The following GPC6 variants were observed in gnomAD, a reference collection of about 807,000 sequenced individuals.
The protein encoded by GPC6 is glypican-6.
GPC6 carries 14 observed loss-of-function variants against 55.2 expected under a neutral mutation model. The observed-to-expected ratio is 0.25, with a 90% CI of 0.17 to 0.40. The LOEUF is 0.40. Among genes scored for constraint, GPC6 ranks in the 10% least tolerant of loss-of-function variants. The pLI, the probability that GPC6 is intolerant of heterozygous loss-of-function variation, is 1.00. For missense variants in GPC6, 641 were observed against 708.5 expected (o/e 0.90, Z 1.08); for synonymous variants, 278 against 259.6 (o/e 1.07, Z -0.68).
chr13:94,013,656 T>A (rs951361010), intron 3 of GPC6, among the ~76,000 whole-genome samples: 5 of 152,170 alleles, frequency 3.3e-5, no homozygotes, highest in African/African-American at 1.2e-4. Flanking sequence ...AGCCTTATGT[T>A]TTAAGGAATG....
At chr13:93,549,213 C>G (rs533469424) in intron 2 of GPC6, among the ~76,000 whole-genome samples, 1 of 152,190 alleles carries the variant, frequency 6.6e-6, no homozygotes, top group Non-Finnish European at 1.5e-5. Context: ...TTCTCACCTT[C>G]CTCTCCTCTG....
At chr13:93,805,081 T>G (rs1028163526) in intron 2 of GPC6, among the ~76,000 whole-genome samples, 1 of 152,180 alleles carries the variant, frequency 6.6e-6, no homozygotes, top group African/African-American at 2.4e-5. Context: ...GCCACATAGA[T>G]TAATAGAGAA....
chr13:93,922,262 A>ACT (rs1318925126), intron 3 of GPC6, among the ~76,000 whole-genome samples: 1 of 152,040 alleles, frequency 6.6e-6, no homozygotes, highest in Admixed American at 6.6e-5. Context: ...AAAGCCTGGA[A>ACT]CTCTCTCTAG....
At chr13:94,099,581 AG>A (rs1444511586) in intron 4 of GPC6, among the ~76,000 whole-genome samples, 2 of 152,146 alleles carry the variant, frequency 1.3e-5, no homozygotes, top group African/African-American at 4.8e-5. Context: ...ATTTGAAACT[AG>A]TTTTTTATTA....
chr13:93,718,518 T>C (rs1199002130), intron 2 of GPC6, among the ~76,000 whole-genome samples: 1 of 152,122 alleles, frequency 6.6e-6, no homozygotes, highest in East Asian at 1.9e-4. Flanking sequence ...CTTTGTCAGA[T>C]GGAGAGATTG....
intron 1 of GPC6, among the ~76,000 whole-genome samples, chr13:93,512,444 T>C (rs935745293): frequency 6.6e-6 from 1 of 152,160 alleles, no homozygotes; most frequent in Non-Finnish European, 1.5e-5. Context: ...TTTCATTCTA[T>C]TGACATGATG....
intron 2 of GPC6, among the ~76,000 whole-genome samples, chr13:93,649,376 A>G (rs1659168390): frequency 6.6e-6 from 1 of 152,144 alleles, no homozygotes; most frequent in African/African-American, 2.4e-5. Context: ...CGCTTGAGCC[A>G]AGGACATAGA....
chr13:93,316,611 T>A (rs1879258389), intron 1 of GPC6, among the ~76,000 whole-genome samples: 6 of 152,084 alleles, frequency 3.9e-5, no homozygotes, highest in Admixed American at 3.9e-4. Context: ...ACCGAATAAT[T>A]TCTTTAGCAA....
At chr13:93,785,035 T>G (rs1885779183) in intron 2 of GPC6, among the ~76,000 whole-genome samples, 2 of 152,196 alleles carry the variant, frequency 1.3e-5, no homozygotes, top group African/African-American at 4.8e-5. Context: ...GTAATCTCAT[T>G]CCCCAAGGAA....
chr13:94,194,427 A>G (rs1158634218), intron 4 of GPC6, among the ~76,000 whole-genome samples: 1 of 152,132 alleles, frequency 6.6e-6, no homozygotes, highest in Non-Finnish European at 1.5e-5. Flanking sequence ...ATGTGTCTGT[A>G]TGTGTGTGTT....
chr13:94,335,938 G>A (rs151071183), intron 6 of GPC6, among the ~76,000 whole-genome samples: 19 of 149,264 alleles, frequency 1.3e-4, no homozygotes, highest in African/African-American at 4.0e-4. Context: ...TTGGTCATCT[G>A]CAGCATAAAG....
chr13:94,149,564 C>T (rs116122042), intron 4 of GPC6, among the ~76,000 whole-genome samples: 254 of 152,226 alleles, frequency 1.7e-3, no homozygotes, highest in African/African-American at 5.8e-3. Context: ...TCTGGTGAAA[C>T]AGAGCCCACA....
intron 2 of GPC6, among the ~76,000 whole-genome samples, chr13:93,602,440 C>G (rs1878055414): frequency 6.6e-6 from 1 of 152,120 alleles, no homozygotes; most frequent in African/African-American, 2.4e-5. Context: ...ATTAGTTTGG[C>G]ATTAACCTTG....
intron 4 of GPC6, among the ~76,000 whole-genome samples, chr13:94,182,561 A>G (rs1257961471): frequency 6.6e-6 from 1 of 152,172 alleles, no homozygotes; most frequent in African/African-American, 2.4e-5. Context: ...CTTTCTCACA[A>G]TTGGGAGTAG....
At chr13:94,138,957 T>C (rs759717956) in intron 4 of GPC6, among the ~76,000 whole-genome samples, 10 of 151,954 alleles carry the variant, frequency 6.6e-5, no homozygotes, top group Non-Finnish European at 4.4e-5. Context: ...GGATAAGGAA[T>C]GTGATTATGG....
chr13:94,075,074 G>T (rs1461225433), intron 4 of GPC6, among the ~76,000 whole-genome samples: 1 of 151,898 alleles, frequency 6.6e-6, no homozygotes, highest in African/African-American at 2.4e-5. Flanking sequence ...TACAACACAT[G>T]GGAAAAATAT....
At chr13:93,411,637 G>A (rs1443235180) in intron 1 of GPC6, among the ~76,000 whole-genome samples, 1 of 152,102 alleles carries the variant, frequency 6.6e-6, no homozygotes, top group Non-Finnish European at 1.5e-5. Context: ...ATTTTAAAAA[G>A]ACAACAGCTC....
At chr13:94,071,712 A>G (rs1052371326) in intron 4 of GPC6, among the ~76,000 whole-genome samples, 3 of 152,222 alleles carry the variant, frequency 2.0e-5, no homozygotes, top group African/African-American at 7.2e-5. Flanking sequence ...GAAAAGCAGC[A>G]ATACTTACAG....
At chr13:93,659,479 G>T (rs1433666120) in intron 2 of GPC6, among the ~76,000 whole-genome samples, 1 of 151,810 alleles carries the variant, frequency 6.6e-6, no homozygotes, top group Admixed American at 6.6e-5. Flanking sequence ...AGGAGTATTT[G>T]GCATCCTAAT....
Sources: allele counts gnomAD v4.1 joint callset (sites outside exome capture counted in the v4.1 genomes callset), GRCh38; gene constraint gnomAD v4.1.1; transcripts MANE v1.5; gene names NCBI Gene and HGNC (gene_info 2026-07-23, HGNC 2026-07-21).